B3GLCT: variants seen among roughly 807,000 people sequenced by gnomAD.
The protein encoded by B3GLCT is beta-1,3-glucosyltransferase.
B3GLCT carries 65 observed loss-of-function variants against 63.4 expected under a neutral mutation model. The observed-to-expected ratio is 1.03, with a 90% CI of 0.84 to 1.26. The LOEUF (loss-of-function observed/expected upper bound fraction) is 1.26, where lower values mean the gene tolerates loss of function less well. Among genes scored for constraint, B3GLCT ranks in the 50% most tolerant of loss-of-function variants. The pLI, the probability that B3GLCT is intolerant of heterozygous loss-of-function variation, is 0.00. For missense variants in B3GLCT, 577 were observed against 604.8 expected, an observed-to-expected ratio of 0.95 and a Z score of 0.48; for synonymous variants, 233 against 219.2, an observed-to-expected ratio of 1.06 and a Z score of -0.55.
intron 1 of B3GLCT, among the ~76,000 whole-genome samples, chr13:31,202,146 A>T (rs1229391390): frequency 1.3e-5 from 2 of 152,216 alleles, no homozygotes; most frequent in Non-Finnish European, 2.9e-5. Context: ...GTTTATAAAT[A>T]CCTTAAATAT....
chr13:31,266,250 G>A (rs759869384), intron 7 of B3GLCT, among the ~76,000 whole-genome samples: 37 of 151,874 alleles, frequency 2.4e-4, no homozygotes, highest in Admixed American at 5.2e-4. Flanking sequence ...TGCCCGCCTT[G>A]GCCTCCCAAC....
At chr13:31,253,797 TAAA>T (rs1374202363) in intron 6 of B3GLCT, among the ~76,000 whole-genome samples, 4 of 150,890 alleles carry the variant, frequency 2.7e-5, no homozygotes, top group African/African-American at 9.8e-5. Flanking sequence ...GCCAGACTAA[TAAA>T]GAAGAAAAGA....
chr13:31,258,388 G>A (rs4584696), intron 6 of B3GLCT, among the ~76,000 whole-genome samples: 8,639 of 152,120 alleles, frequency 0.057, 269 homozygotes, highest in African/African-American at 0.08. Context: ...ATGACCAGCT[G>A]GTTCTACTTC....
intron 7 of B3GLCT, 112 bp from the exon 8 acceptor site, chr13:31,269,102 C>G: frequency 1.3e-6 from 1 of 766,266 alleles, no homozygotes; most frequent in Non-Finnish European, 2.2e-6. Context: ...TTATTTTTAT[C>G]TTTAAATCTG....
intron 4 of B3GLCT, among the ~76,000 whole-genome samples, chr13:31,229,904 G>A (rs912607): frequency 0.26 from 38,630 of 150,706 alleles, 6,471 homozygotes; most frequent in Middle Eastern, 0.39. Flanking sequence ...GATTTGTCAC[G>A]AAGTATGATA....
intron 6 of B3GLCT, among the ~76,000 whole-genome samples, chr13:31,248,247 A>T (rs1293718174): frequency 6.6e-6 from 1 of 152,228 alleles, no homozygotes; most frequent in Non-Finnish European, 1.5e-5. Flanking sequence ...GAAGTTCATA[A>T]ACTGCTTTTC....
intron 8 of B3GLCT, among the ~76,000 whole-genome samples, chr13:31,272,365 C>T (rs893201949): frequency 6.6e-6 from 1 of 151,966 alleles, no homozygotes; most frequent in African/African-American, 2.4e-5. Flanking sequence ...CAGGTGCCCG[C>T]CACCATGCCC....
intron 12 of B3GLCT, among the ~76,000 whole-genome samples, chr13:31,287,164 T>C (rs1478662031): frequency 1.3e-5 from 2 of 152,098 alleles, no homozygotes; most frequent in African/African-American, 2.4e-5. Context: ...GCTGAGAGTC[T>C]CAGGAGACCA....
chr13:31,246,970 T>G (rs1415428207), intron 4 of B3GLCT, 53 bp from the exon 5 acceptor site: 1 of 1,192,050 alleles, frequency 8.4e-7, no homozygotes, highest in African/African-American at 1.6e-5. Context: ...TTTTTTTACT[T>G]TTTTTCGGAG....
At chr13:31,224,575 C>T (rs773770819) in intron 3 of B3GLCT, among the ~76,000 whole-genome samples, 2 of 152,054 alleles carry the variant, frequency 1.3e-5, no homozygotes, top group Admixed American at 1.3e-4. Flanking sequence ...ATTCAGGGCA[C>T]CGAGAGCATG....
chr13:31,261,181 A>C, intron 7 of B3GLCT, 99 bp downstream of exon 7: 1 of 1,395,468 alleles, frequency 7.2e-7, no homozygotes, highest in Non-Finnish European at 9.9e-7. Flanking sequence ...ATCTCAAATG[A>C]GTTTTTCAGC....
intron 12 of B3GLCT, among the ~76,000 whole-genome samples, chr13:31,291,787 C>A (rs993409324): frequency 1.3e-5 from 2 of 152,130 alleles, no homozygotes; most frequent in South Asian, 2.1e-4. Context: ...TTCCTCTCTT[C>A]CTATTTGAAT....
At position 31,213,616 on chromosome 13, in the gene B3GLCT, A is replaced by ACCCCCCCCCCCC. The variant is rs1243633056; in HGVS notation, c.71-1431_71-1430insCCCCCCCCCCCC. Among the ~76,000 whole-genome samples, 91 of 56,864 alleles carry ACCCCCCCCCCCC rather than the reference A, an allele frequency of 1.6e-3. 1 individual carries two copies. The highest frequency in any genetic ancestry group is 5.0e-3 in the East Asian group (4 of 794). The allele number at this position is 56,864 out of a possible 152,430, so 37.3% of individuals were successfully genotyped here. A position where few individuals can be genotyped will look rare whatever the true frequency, so the allele number is the denominator to read the frequency against. On this transcript the variant is annotated intron_variant, in intron 1 of 14. Transcript: ENST00000343307. ...AACAAAAACAAAACAACACCCCCCC[A>ACCCCCCCCCCCC]CCCCACCCCCCCCCCCCGCCAAAAC...
intron 8 of B3GLCT, among the ~76,000 whole-genome samples, chr13:31,273,555 A>G (rs1202755755): frequency 2.0e-5 from 3 of 152,210 alleles, no homozygotes; most frequent in Admixed American, 6.5e-5. Flanking sequence ...GAGTCTGATT[A>G]AATAAATTAT....
At chr13:31,259,113 T>C (rs1464220618) in intron 6 of B3GLCT, among the ~76,000 whole-genome samples, 3 of 152,238 alleles carry the variant, frequency 2.0e-5, no homozygotes, top group African/African-American at 7.2e-5. Context: ...TGGCTCTTGT[T>C]TATAAATTGT....
intron 4 of B3GLCT, among the ~76,000 whole-genome samples, chr13:31,239,443 A>G (rs1870821490): frequency 6.6e-6 from 1 of 152,180 alleles, no homozygotes; most frequent in Non-Finnish European, 1.5e-5. Context: ...GATCTAATAA[A>G]TCACCTGTTT....
chr13:31,200,596 G>T (rs1447219111), intron 1 of B3GLCT, among the ~76,000 whole-genome samples: 1 of 151,482 alleles, frequency 6.6e-6, no homozygotes, highest in Non-Finnish European at 1.5e-5. Context: ...CCGCCGTCCT[G>T]CGCGCCCCGC....
At chr13:31,228,360 G>A (rs1404589511) in intron 3 of B3GLCT, among the ~76,000 whole-genome samples, 1 of 152,242 alleles carries the variant, frequency 6.6e-6, no homozygotes, top group Non-Finnish European at 1.5e-5. Flanking sequence ...GGACCATTCA[G>A]AACATTCTTG....
intron 2 of B3GLCT, among the ~76,000 whole-genome samples, chr13:31,217,942 A>AT (rs900096758): frequency 6.6e-6 from 1 of 151,986 alleles, no homozygotes; most frequent in Middle Eastern, 3.4e-3. Flanking sequence ...GAATTTTAGA[A>AT]TTTTTTTTCT....
Sources: gnomAD v4.1 joint callset for allele counts (sites outside exome capture counted in the v4.1 genomes callset) on GRCh38, gnomAD v4.1.1 for gene constraint, MANE v1.5 for transcripts, NCBI Gene and HGNC (gene_info 2026-07-23, HGNC 2026-07-21) for gene names.